The following SLC38A4 variants were observed in gnomAD, a reference collection of about 807,000 sequenced individuals.
SLC38A4 encodes solute carrier family 38 member 4.
SLC38A4 carries 20 observed loss-of-function variants against 63.1 expected under a neutral mutation model. That is an observed-to-expected ratio of 0.32 (90% CI 0.22 to 0.46). SLC38A4 has a LOEUF of 0.46. Ranked by LOEUF, SLC38A4 falls within the 20% of genes least tolerant of loss-of-function variation. SLC38A4 has a pLI of 1.00. For missense variants in SLC38A4, 526 were observed against 663.6 expected, an observed-to-expected ratio of 0.79 and a Z score of 2.28; for synonymous variants, 230 against 225.5, an observed-to-expected ratio of 1.02 and a Z score of -0.18.
intron 1 of SLC38A4, among the ~76,000 whole-genome samples, chr12:46,815,446 T>C (rs1437619763): frequency 1.3e-5 from 2 of 151,498 alleles, no homozygotes; most frequent in African/African-American, 4.8e-5. Context: ...CCTTTTTTAT[T>C]TTTGCACAGA....
At chr12:46,777,236 G>T (rs1451914793) in intron 12 of SLC38A4, among the ~76,000 whole-genome samples, 1 of 151,890 alleles carries the variant, frequency 6.6e-6, no homozygotes, top group African/African-American at 2.4e-5. Context: ...CCCTAGAAGA[G>T]GAACAGTCTA....
Position 46,779,608 on chromosome 12 carries a change from T to C in SLC38A4, c.717+3A>G, listed in dbSNP as rs80164301. On this transcript the variant is annotated splice_donor_region_variant and intron_variant, in intron 10 of 16. Coordinates refer to ENST00000266579, the MANE Select transcript of SLC38A4 (RefSeq NM_018018.5). ...GCAAGGATCATGTCATCACATCACT[T>C]ACCACACTAACAAAAAACACCATGC... 2,837 of 1,601,784 alleles carry C rather than the reference T, an allele frequency of 1.8e-3. 32 individuals carry two copies. The African/African-American group carries it at 0.033, about 19-fold the overall frequency.
At chr12:46,791,736 G>A (rs1054630058) in intron 3 of SLC38A4, among the ~76,000 whole-genome samples, 13 of 152,156 alleles carry the variant, frequency 8.5e-5, no homozygotes, top group African/African-American at 2.7e-4. Context: ...TAGTAGTGGC[G>A]TAATTAACAT....
chr12:46,829,834 T>A (rs1394819050), upstream of SLC38A4, among the ~76,000 whole-genome samples: 6 of 152,234 alleles, frequency 3.9e-5, no homozygotes. Context: ...GAACAATTAA[T>A]GCCCAAGTAG....
rs1592171498 is a variant in SLC38A4 at position 46,765,474 on chromosome 12, G to A, written c.*1227C>T. The A allele has an allele frequency of 2.7e-6, 1 of 365,406 alleles. No individual in the cohort carries two copies. Among genetic ancestry groups the A allele is most frequent in the Non-Finnish European group, 5.3e-6 (1 of 189,952 alleles). 22.6% of individuals were successfully genotyped at this position (365,406 alleles called of 1,614,324 possible). A position where few individuals can be genotyped will look rare whatever the true frequency, so the allele number is the denominator to read the frequency against. On this transcript the variant is annotated 3_prime_UTR_variant, in exon 17 of 17. Coordinates refer to ENST00000266579, the MANE Select transcript of SLC38A4 (RefSeq NM_018018.5). ...TTAGTATGATAAAAATTTGCAAAAA[G>A]AAACTTATTTTCTTGTAGATCATCC...
At chr12:46,772,564 G>C (rs1228718054) in intron 14 of SLC38A4, among the ~76,000 whole-genome samples, 1 of 151,996 alleles carries the variant, frequency 6.6e-6, no homozygotes, top group East Asian at 1.9e-4. Context: ...CCACTACTAA[G>C]AGAGAAAGAA....
chr12:46,821,165 A>G (rs1433277538), intron 1 of SLC38A4, among the ~76,000 whole-genome samples: 1 of 151,904 alleles, frequency 6.6e-6, no homozygotes, highest in Non-Finnish European at 1.5e-5. Flanking sequence ...TTTTAGTTTG[A>G]TGTAGTACTG....
At position 46,825,003 on chromosome 12, in the gene SLC38A4, A is replaced by G. The variant is rs147321639; in HGVS notation, c.-305+900T>C. On this transcript the variant is annotated intron_variant, in intron 1 of 16. Transcript: ENST00000266579. ...AAGGTTTAGGTGGCCTCTCTGTGCA[A>G]CTGGATGCAAATATATAATTACTTT... Among the ~76,000 whole-genome samples the G allele has an allele frequency of 1.1e-3, 171 of 152,230 alleles. 2 individuals are homozygous for G. The highest frequency in any genetic ancestry group is 6.8e-4 in the Non-Finnish European group (46 of 68,024).
At chr12:46,817,365 A>T (rs899949670) in intron 1 of SLC38A4, among the ~76,000 whole-genome samples, 6 of 137,798 alleles carry the variant, frequency 4.4e-5, no homozygotes, top group African/African-American at 1.7e-4. Context: ...CTGCTTGCTA[A>T]CTCCCAGTGT....
intron 7 of SLC38A4, among the ~76,000 whole-genome samples, chr12:46,784,097 T>C (rs1938706753): frequency 6.6e-6 from 1 of 152,070 alleles, no homozygotes; most frequent in Non-Finnish European, 1.5e-5. Flanking sequence ...TCTAGTGGGC[T>C]GGCTCAGTGC....
upstream of SLC38A4, among the ~76,000 whole-genome samples, chr12:46,828,642 A>C (rs942697536): frequency 6.6e-6 from 1 of 152,160 alleles, no homozygotes; most frequent in Non-Finnish European, 1.5e-5. Context: ...GTTTTTAATC[A>C]TGCTGTATTG....
In SLC38A4 at chr12:46,815,280, TATATACAC is replaced by T. The variant is rs1446436023; in HGVS notation, c.-305+10615_-305+10622del. 9.6e-3 allele frequency among the ~76,000 whole-genome samples: 860 copies of T among 89,702 alleles called. 4 individuals carry two copies. The highest frequency in any genetic ancestry group is 0.013 in the Non-Finnish European group (612 of 46,056). The allele number at this position is 89,702 out of a possible 152,430, so 58.8% of individuals were successfully genotyped here. A position where few individuals can be genotyped will look rare whatever the true frequency, so the allele number is the denominator to read the frequency against. ...ATATATATATATATATATATATATA[TATATACAC>T]ACACACACACACACACACACAGAGA... On this transcript the variant is annotated intron_variant, in intron 1 of 16. Coordinates refer to ENST00000266579, the MANE Select transcript of SLC38A4 (RefSeq NM_018018.5).
At chr12:46,776,539 T>C (rs1400905448) in intron 13 of SLC38A4, among the ~76,000 whole-genome samples, 1 of 152,052 alleles carries the variant, frequency 6.6e-6, no homozygotes, top group Non-Finnish European at 1.5e-5. Context: ...GTGTGGCAGG[T>C]AATAATTCCA....
intron 1 of SLC38A4, among the ~76,000 whole-genome samples, chr12:46,824,859 A>G (rs1370179060): frequency 6.6e-6 from 1 of 151,704 alleles, no homozygotes; most frequent in Non-Finnish European, 1.5e-5. Context: ...AGATTGCACA[A>G]ATCTACACAT....
At chr12:46,830,142 C>T (rs1010385088), upstream of SLC38A4, among the ~76,000 whole-genome samples, 6 of 152,062 alleles carry the variant, frequency 3.9e-5, no homozygotes, top group African/African-American at 1.4e-4. Context: ...ATAAAATCAG[C>T]CTGATAAAAA....
At chr12:46,794,462 GA>G in intron 2 of SLC38A4, among the ~76,000 whole-genome samples, 1 of 151,592 alleles carries the variant, frequency 6.6e-6, no homozygotes, top group South Asian at 2.1e-4. Context: ...CAAAATAAGA[GA>G]ATAACTTTCA....
chr12:46,782,317 C>T (rs1938660666), intron 7 of SLC38A4, among the ~76,000 whole-genome samples: 2 of 151,922 alleles, frequency 1.3e-5, no homozygotes, highest in African/African-American at 4.8e-5. Flanking sequence ...AACAATCCAA[C>T]TGTTCATCAA....
chr12:46,789,017 C>T (rs1428268412), intron 3 of SLC38A4, among the ~76,000 whole-genome samples: 1 of 152,116 alleles, frequency 6.6e-6, no homozygotes, highest in African/African-American at 2.4e-5. Context: ...TTTATTAATT[C>T]AACGAATATT....
intron 12 of SLC38A4, among the ~76,000 whole-genome samples, chr12:46,777,310 G>T (rs946303013): frequency 2.6e-5 from 4 of 151,814 alleles, no homozygotes; most frequent in South Asian, 2.1e-4. Flanking sequence ...GATCAAACAG[G>T]CTCCTAACAT....
Sources: gnomAD v4.1 joint callset for allele counts (sites outside exome capture counted in the v4.1 genomes callset) on GRCh38, gnomAD v4.1.1 for gene constraint, MANE v1.5 for transcripts, NCBI Gene and HGNC (gene_info 2026-07-23, HGNC 2026-07-21) for gene names.